The following MMP26 variants were observed in gnomAD, a reference collection of about 807,000 sequenced individuals.
MMP26 encodes matrix metallopeptidase 26, also known as matrix metalloproteinase-26.
Under a neutral mutation model 31.0 loss-of-function variants are expected in MMP26, and 33 were observed. The observed-to-expected ratio is 1.06, with a 90% CI of 0.81 to 1.42. The LOEUF is 1.42. Ranked by LOEUF, MMP26 falls within the 40% of genes most tolerant of loss-of-function variation. The pLI, the probability that MMP26 is intolerant of heterozygous loss-of-function variation, is 0.00. For synonymous variants in MMP26, 122 were observed against 114.9 expected (o/e 1.06, Z -0.40); for missense variants, 347 against 316.1 (o/e 1.10, Z -0.74).
At chr11:4,965,682 A>G (rs1323764420) in intron 2 of MMP26, among the ~76,000 whole-genome samples, 1 of 152,194 alleles carries the variant, frequency 6.6e-6, no homozygotes, top group African/African-American at 2.4e-5. Flanking sequence ...TTCCAAACAG[A>G]TGGGGAATTT....
chr11:4,863,398 T>A (rs936059502), intron 2 of MMP26, among the ~76,000 whole-genome samples: 1 of 152,114 alleles, frequency 6.6e-6, no homozygotes, highest in Non-Finnish European at 1.5e-5. Flanking sequence ...AGTATATGTC[T>A]TCTTCTTTTA....
At chr11:4,860,002 C>CA (rs1308671338) in intron 2 of MMP26, 8 of 470,804 alleles carry the variant, frequency 1.7e-5, no homozygotes, top group Non-Finnish European at 3.5e-5. Flanking sequence ...ACAAGCTAGC[C>CA]GCATCATGTT....
intron 1 of MMP26, among the ~76,000 whole-genome samples, chr11:4,759,994 T>C (rs904154167): frequency 9.2e-5 from 14 of 152,202 alleles, no homozygotes; most frequent in Admixed American, 2.6e-4. Context: ...AATCTGTGCC[T>C]GAAGATTTTA....
At chr11:4,731,388 T>A (rs1264429707) in intron 1 of MMP26, among the ~76,000 whole-genome samples, 4 of 152,196 alleles carry the variant, frequency 2.6e-5, no homozygotes, top group Admixed American at 2.6e-4. Flanking sequence ...AATCATTTCT[T>A]TCTTTTCTCC....
At chr11:4,936,815 G>A (rs1257928801) in intron 2 of MMP26, among the ~76,000 whole-genome samples, 1 of 152,068 alleles carries the variant, frequency 6.6e-6, no homozygotes, top group East Asian at 1.9e-4. Flanking sequence ...TTGTAATAAT[G>A]TAATTGACTA....
chr11:4,733,449 T>A (rs1848199531), intron 1 of MMP26, among the ~76,000 whole-genome samples: 1 of 152,200 alleles, frequency 6.6e-6, no homozygotes, highest in Non-Finnish European at 1.5e-5. Context: ...AAATGGAATT[T>A]TTCTCTTAAT....
At chr11:4,794,349 T>C (rs1004287580) in intron 2 of MMP26, 28 of 152,152 alleles carry the variant, frequency 1.8e-4, no homozygotes, top group African/African-American at 6.3e-4. Context: ...AATGGAGGTC[T>C]TGCAAGATCG....
chr11:4,878,393 G>T (rs948068784), intron 2 of MMP26, among the ~76,000 whole-genome samples: 3 of 151,844 alleles, frequency 2.0e-5, no homozygotes, highest in African/African-American at 7.3e-5. Context: ...ATAACATAAG[G>T]TATACATATT....
At chr11:4,808,955 G>A (rs1351561653) in intron 2 of MMP26, among the ~76,000 whole-genome samples, 1 of 150,840 alleles carries the variant, frequency 6.6e-6, no homozygotes, top group Non-Finnish European at 1.5e-5. Context: ...CATAACACAG[G>A]CAGACTTAAT....
intron 2 of MMP26, among the ~76,000 whole-genome samples, chr11:4,981,359 T>C (rs1846811002): frequency 6.6e-6 from 1 of 152,164 alleles, no homozygotes; most frequent in African/African-American, 2.4e-5. Context: ...AGCTAAAGTA[T>C]ATGCTATAGC....
intron 2 of MMP26, among the ~76,000 whole-genome samples, chr11:4,919,857 G>A (rs1263697063): frequency 1.3e-5 from 2 of 152,102 alleles, no homozygotes; most frequent in Non-Finnish European, 2.9e-5. Context: ...ATATGCTCCT[G>A]ATTTCTGCAT....
intron 2 of MMP26, among the ~76,000 whole-genome samples, chr11:4,871,523 C>G (rs902207439): frequency 6.6e-6 from 1 of 151,978 alleles, no homozygotes; most frequent in African/African-American, 2.4e-5. Context: ...TAGGCAAAGC[C>G]GGGTCCTCTG....
At chr11:4,915,033 T>C in intron 2 of MMP26, 2 of 1,613,936 alleles carry the variant, frequency 1.2e-6, no homozygotes, top group Non-Finnish European at 1.7e-6. Context: ...ATACCCACTG[T>C]AGAGACGATG....
chr11:4,848,187 A>G (rs768122305), intron 2 of MMP26: 1 of 1,535,154 alleles, frequency 6.5e-7, no homozygotes, highest in South Asian at 1.3e-5. Flanking sequence ...TTCTCACAGA[A>G]ACTTTAGTAT....
At chr11:4,711,338 G>A (rs1352144668) in intron 1 of MMP26, 1 of 152,166 alleles carries the variant, frequency 6.6e-6, no homozygotes, top group Non-Finnish European at 1.5e-5. Flanking sequence ...ATGTGTAAAT[G>A]CACATTAAAA....
At chr11:4,819,566 A>ATTTTTTTTTTTTTTTTTTTTTTT in intron 2 of MMP26, among the ~76,000 whole-genome samples, 1 of 50,278 alleles carries the variant, frequency 2.0e-5, no homozygotes, top group Non-Finnish European at 3.3e-5. Context: ...GAGTCGACTG[A>ATTTTTTTTTTTTTTTTTTTTTTT]TTTTTTTTTT....
At chr11:4,961,915 C>T (rs1846526049) in intron 2 of MMP26, among the ~76,000 whole-genome samples, 2 of 152,146 alleles carry the variant, frequency 1.3e-5, no homozygotes, top group Non-Finnish European at 2.9e-5. Flanking sequence ...ATAAATAATA[C>T]TATAAATCAT....
intron 1 of MMP26, among the ~76,000 whole-genome samples, chr11:4,714,514 G>A (rs1847900490): frequency 6.6e-6 from 1 of 151,948 alleles, no homozygotes; most frequent in Non-Finnish European, 1.5e-5. Flanking sequence ...TGACTTCCAC[G>A]TCCCACACAC....
At chr11:4,877,906 C>T (rs145942036) in intron 2 of MMP26, 3 of 152,094 alleles carry the variant, frequency 2.0e-5, no homozygotes, top group Admixed American at 2.0e-4. Flanking sequence ...ATAAAATTTA[C>T]TCACTTTGGT....
Sources: allele counts gnomAD v4.1 joint callset (sites outside exome capture counted in the v4.1 genomes callset), GRCh38; gene constraint gnomAD v4.1.1; transcripts MANE v1.5; gene names NCBI Gene and HGNC (gene_info 2026-07-23, HGNC 2026-07-21).